NHEJ1: variants seen among roughly 807,000 people sequenced by gnomAD.
The protein encoded by NHEJ1 is non-homologous end-joining factor 1.
In NHEJ1, 22 loss-of-function variants were observed where a neutral mutation model predicts 39.4. That is an observed-to-expected ratio of 0.56 (90% CI 0.40 to 0.80). The LOEUF (loss-of-function observed/expected upper bound fraction) is 0.80. Among genes scored for constraint, NHEJ1 ranks in the 30% least tolerant of loss-of-function variants. NHEJ1 has a pLI of 0.00. For synonymous variants in NHEJ1, 154 were observed against 135.6 expected (o/e 1.14, Z -0.94); for missense variants, 329 against 357.1 (o/e 0.92, Z 0.63).
chr2:219,078,184 AT>A lies in NHEJ1; in HGVS notation c.610del (p.Ile204LeufsTer9). 6.2e-7 allele frequency: 1 copy of A among 1,614,106 alleles called. No homozygotes were observed. The highest frequency in any genetic ancestry group is 8.5e-7 in the Non-Finnish European group (1 of 1,180,000). ...MIEKLPEACS[I>X]GDGKPFVMNL... ...CATGACAAAGGGCTTTCCATCACCAATGCTGCATGCCTCTGGCAGTTTCTGT... is the reference window on the plus strand; with the variant it reads ...CATGACAAAGGGCTTTCCATCACCAAGCTGCATGCCTCTGGCAGTTTCTGT... On this transcript the variant is annotated frameshift_variant, in exon 6 of 8. Coordinates refer to ENST00000356853, the MANE Select transcript of NHEJ1 (RefSeq NM_024782.3). LOFTEE classifies it high-confidence loss of function.
intron 3 of NHEJ1, among the ~76,000 whole-genome samples, chr2:219,151,733 G>A (rs1949797555): frequency 6.6e-6 from 1 of 152,144 alleles, no homozygotes; most frequent in African/African-American, 2.4e-5. Context: ...TTGGGAAGCT[G>A]AGGTGGGCAG....
At chr2:219,126,553 G>C (rs1463128531) in intron 5 of NHEJ1, among the ~76,000 whole-genome samples, 2 of 152,204 alleles carry the variant, frequency 1.3e-5, no homozygotes, top group Non-Finnish European at 2.9e-5. Flanking sequence ...AAAGGCAAAA[G>C]TTCTCTGCAG....
intron 5 of NHEJ1, among the ~76,000 whole-genome samples, chr2:219,081,288 G>A (rs577837072): frequency 6.6e-6 from 1 of 152,296 alleles, no homozygotes; most frequent in East Asian, 1.9e-4. Flanking sequence ...CCTGGGGCAG[G>A]ACAATGGTAG....
At chr2:219,126,670 C>G (rs1178160461) in intron 5 of NHEJ1, among the ~76,000 whole-genome samples, 1 of 152,090 alleles carries the variant, frequency 6.6e-6, no homozygotes, top group Non-Finnish European at 1.5e-5. Context: ...GTAGGAGGAG[C>G]CAGAAAAACC....
chr2:219,117,942 G>T (rs7585868), intron 5 of NHEJ1, among the ~76,000 whole-genome samples: 16,399 of 152,256 alleles, frequency 0.11, 887 homozygotes, highest in African/African-American at 0.14. Flanking sequence ...TAAAATGGGG[G>T]TGTGGTAAGG....
At chr2:219,146,216 T>C (rs1387698846) in intron 5 of NHEJ1, among the ~76,000 whole-genome samples, 1 of 152,172 alleles carries the variant, frequency 6.6e-6, no homozygotes, top group Non-Finnish European at 1.5e-5. Context: ...CACTGTGATT[T>C]TCCACAACCT....
rs1419311201 is a variant in NHEJ1, at chr2:219,073,593, T to C, written c.*2788A>G. On this transcript the variant is annotated 3_prime_UTR_variant, in exon 8 of 8. Transcript: ENST00000356853. ...TGCAATCTAGGTGGCGCTATTTCTC[T>C]ACTTTTTAGGTCAAGTTCCTGCAGG... is the stretch of plus-strand genomic sequence containing the variant. 2.0e-5 allele frequency among the ~76,000 whole-genome samples: 3 copies of C among 152,268 alleles called. No homozygotes were observed. Among genetic ancestry groups the C allele is most frequent in the Admixed American group, 2.0e-4 (3 of 15,292 alleles).
rs551174149 is a variant in NHEJ1, at chr2:219,150,967, G to GA, written c.391-3173dup. On this transcript the variant is annotated intron_variant, in intron 3 of 7. Transcript: ENST00000356853. ...TGAGACTCCATCTCAAAAAAAAACA[G>GA]AAAAAAAAAAATTAGCCAGGTGTGC... 4.3e-3 allele frequency among the ~76,000 whole-genome samples: 618 copies of GA among 144,658 alleles called. 4 individuals are homozygous for GA. The highest frequency in any genetic ancestry group is 0.013 in the African/African-American group (515 of 39,680). The allele number at this position is 144,658 out of a possible 152,430, so 94.9% of individuals were successfully genotyped here. A position where few individuals can be genotyped will look rare whatever the true frequency, so the allele number is the denominator to read the frequency against.
chr2:219,160,269 G>A (rs1949919097), intron 1 of NHEJ1, among the ~76,000 whole-genome samples: 1 of 152,214 alleles, frequency 6.6e-6, no homozygotes, highest in Admixed American at 6.5e-5. Flanking sequence ...GAGGCCCAGA[G>A]AGCATCCCGG....
At chr2:219,076,557 CTTTTTTT>C (rs778354452) in intron 7 of NHEJ1, 102 bp from the exon 8 acceptor site, 172 of 457,426 alleles carry the variant, frequency 3.8e-4, no homozygotes, top group East Asian at 7.1e-4. Flanking sequence ...AGGATGAGGC[CTTTTTTT>C]TTTTTTTTTT....
At position 219,146,756 on chromosome 2, in the gene NHEJ1, AG is replaced by A; in HGVS notation, c.530-19del. The A allele has an allele frequency of 6.3e-7, 1 of 1,588,972 alleles. No individual in the cohort carries two copies. Reference sequence around the variant, plus strand: ...CAATCGATCTGTAATAAGAAGGATCAGAAAAAAGAAATATGAGTCATACAGG... The same window carrying A: ...CAATCGATCTGTAATAAGAAGGATCAAAAAAAGAAATATGAGTCATACAGG... On this transcript the variant is annotated intron_variant, in intron 4 of 7. Coordinates refer to ENST00000356853, the MANE Select transcript of NHEJ1 (RefSeq NM_024782.3).
rs1338551004 is a variant in NHEJ1 at position 219,073,742 on chromosome 2, AG to A, written c.*2638del. Among the ~76,000 whole-genome samples, 3 of 152,352 alleles carry A rather than the reference AG, an allele frequency of 2.0e-5. No individual in the cohort carries two copies. Among genetic ancestry groups the A allele is most frequent in the Admixed American group, 1.3e-4 (2 of 15,306 alleles). The stretch of plus-strand genomic sequence containing the variant: ...GAAAGAGTCCCTTCTCCCACCAGCC[AG>A]CCCTGGCCCCAGCCCCAGCCCCGGG... On this transcript the variant is annotated 3_prime_UTR_variant, in exon 8 of 8. Transcript: ENST00000356853.
intron 3 of NHEJ1, among the ~76,000 whole-genome samples, chr2:219,155,444 T>C (rs1949844580): frequency 6.6e-6 from 1 of 151,684 alleles, no homozygotes; most frequent in Non-Finnish European, 1.5e-5. Flanking sequence ...TTAATTTTAT[T>C]TTTTAAATTT....
chr2:219,148,240 C>A (rs1280946485), intron 3 of NHEJ1, among the ~76,000 whole-genome samples: 1 of 152,174 alleles, frequency 6.6e-6, no homozygotes, highest in African/African-American at 2.4e-5. Flanking sequence ...GCCTGGGTGA[C>A]AGAGTGAGAC....
Position 219,075,513 on chromosome 2 carries a change from G to C in NHEJ1, c.*868C>G, listed in dbSNP as rs575933532. 1.5e-4 allele frequency: 23 copies of C among 152,234 alleles called. No individual in the cohort carries two copies. The highest frequency in any genetic ancestry group is 5.1e-4 in the African/African-American group (21 of 41,542). The allele number at this position is 152,234 out of a possible 1,614,324, so 9.4% of individuals were successfully genotyped here. Reference sequence around the variant, plus strand: ...TGTAATCCCAGCACTTTGGGAGGTTGAGGTGGGCAGATCACTAGAGTCCAG... The same window carrying C: ...TGTAATCCCAGCACTTTGGGAGGTTCAGGTGGGCAGATCACTAGAGTCCAG... On this transcript the variant is annotated 3_prime_UTR_variant, in exon 8 of 8. Transcript: ENST00000356853.
At chr2:219,080,707 TAA>T (rs1491244114) in intron 5 of NHEJ1, among the ~76,000 whole-genome samples, 1 of 126,708 alleles carries the variant, frequency 7.9e-6, no homozygotes, top group Non-Finnish European at 1.7e-5. Flanking sequence ...ATATATATGC[TAA>T]TATATATATA....
rs1256288170 is a variant in NHEJ1, at chr2:219,075,589, A to C, written c.*792T>G. 1.3e-5 allele frequency: 2 copies of C among 152,186 alleles called. No homozygotes were observed. Among genetic ancestry groups the C allele is most frequent in the Non-Finnish European group, 2.9e-5 (2 of 68,066 alleles). 9.4% of individuals were successfully genotyped at this position (152,186 alleles called of 1,614,324 possible). A position where few individuals can be genotyped will look rare whatever the true frequency, so the allele number is the denominator to read the frequency against. On this transcript the variant is annotated 3_prime_UTR_variant, in exon 8 of 8. Transcript: ENST00000356853. ...TGGCAAAGCCTTGTCTCCACACACA[A>C]AAAAATACAAAAATTAGCTAGGTGT...
chr2:219,083,907 G>C (rs571550947), intron 5 of NHEJ1, among the ~76,000 whole-genome samples: 96 of 151,832 alleles, frequency 6.3e-4, no homozygotes, highest in Non-Finnish European at 1.2e-3. Flanking sequence ...ATGTGAAAGT[G>C]ACAGGCATTC....
chr2:219,083,974 C>T (rs77387582), intron 5 of NHEJ1, among the ~76,000 whole-genome samples: 6 of 151,058 alleles, frequency 4.0e-5, no homozygotes, highest in East Asian at 1.9e-4. Context: ...AAGTCAAAAA[C>T]GCACTTTCAA....
Sources: allele counts gnomAD v4.1 joint callset (sites outside exome capture counted in the v4.1 genomes callset), GRCh38; gene constraint gnomAD v4.1.1; transcripts MANE v1.5; gene names NCBI Gene and HGNC (gene_info 2026-07-23, HGNC 2026-07-21).